Variants in ARHGEF4 observed in about 807,000 individuals in gnomAD.
ARHGEF4 encodes APC-stimulated guanine nucleotide exchange factor 1.
Under a neutral mutation model 162.0 loss-of-function variants are expected in ARHGEF4, and 119 were observed. That is an observed-to-expected ratio of 0.73 (90% CI 0.63 to 0.86). The LOEUF is 0.86. ARHGEF4 is among the 40% of genes least tolerant of loss of function. ARHGEF4 has a pLI of 0.00. For synonymous variants in ARHGEF4, 1,014 were observed against 979.9 expected (o/e 1.03, Z -0.65); for missense variants, 2,488 against 2,456.0 (o/e 1.01, Z -0.28).
intron 5 of ARHGEF4, among the ~76,000 whole-genome samples, chr2:131,033,470 C>T (rs746991769): frequency 1.3e-5 from 2 of 152,184 alleles, no homozygotes; most frequent in Non-Finnish European, 2.9e-5. Context: ...GTGCCTTTGC[C>T]GGCCATCCAG....
At chr2:130,987,376 G>A (rs983365737) in intron 4 of ARHGEF4, among the ~76,000 whole-genome samples, 9 of 152,176 alleles carry the variant, frequency 5.9e-5, no homozygotes, top group East Asian at 5.8e-4. Flanking sequence ...AGACTTTTGC[G>A]GTGAGTGTTA....
chr2:131,009,519 T>G (rs1368419832), intron 4 of ARHGEF4, among the ~76,000 whole-genome samples: 1 of 152,212 alleles, frequency 6.6e-6, no homozygotes. Flanking sequence ...CCCAAGTCAC[T>G]AAGTTGCTGT....
chr2:130,967,842 G>A (rs1005581609), intron 4 of ARHGEF4, among the ~76,000 whole-genome samples: 1 of 152,218 alleles, frequency 6.6e-6, no homozygotes. Context: ...AAGGCAAAGA[G>A]CACTTAGAGC....
chr2:130,952,461 G>T (rs915609335), intron 4 of ARHGEF4, among the ~76,000 whole-genome samples: 10 of 152,040 alleles, frequency 6.6e-5, no homozygotes, highest in African/African-American at 2.4e-4. Context: ...ATATCATACT[G>T]AATGGGCAAA....
intron 1 of ARHGEF4, among the ~76,000 whole-genome samples, chr2:130,898,576 G>T (rs1680301255): frequency 6.6e-6 from 1 of 152,266 alleles, no homozygotes; most frequent in South Asian, 2.1e-4. Flanking sequence ...AGCACTGCTA[G>T]GTTGCCCAGA....
Position 131,019,835 on chromosome 2 carries a change from T to C in ARHGEF4, c.3986-8110T>C, listed in dbSNP as rs572851309. Among the ~76,000 whole-genome samples the C allele has an allele frequency of 5.9e-3, 903 of 152,178 alleles. 6 individuals are homozygous for C. The highest frequency in any genetic ancestry group is 0.019 in the African/African-American group (788 of 41,518). ...ATTTTTAGTAAAGACGGGGTTTCAC[T>C]GTGTTAGCCAGGATGGTCTCGATTT... is the stretch of plus-strand genomic sequence containing the variant. On this transcript the variant is annotated intron_variant, in intron 4 of 13. Coordinates refer to ENST00000409359, the MANE Select transcript of ARHGEF4 (RefSeq NM_001367493.1).
intron 4 of ARHGEF4, among the ~76,000 whole-genome samples, chr2:130,999,584 C>T (rs922750833): frequency 1.9e-4 from 29 of 152,202 alleles, no homozygotes; most frequent in African/African-American, 6.5e-4. Context: ...GAATAAACTC[C>T]TATCTTTTTG....
intron 4 of ARHGEF4, chr2:131,011,800 C>G (rs145337254): frequency 8.7e-6 from 7 of 800,072 alleles, no homozygotes; most frequent in African/African-American, 1.7e-5. Flanking sequence ...TTGTAGTTTA[C>G]CAAGGACCGC....
At chr2:130,852,744 G>C (rs776110530) in intron 1 of ARHGEF4, among the ~76,000 whole-genome samples, 1 of 152,210 alleles carries the variant, frequency 6.6e-6, no homozygotes, top group Non-Finnish European at 1.5e-5. Flanking sequence ...CGCCTCCTGC[G>C]GGCGGTGGAG....
intron 4 of ARHGEF4, among the ~76,000 whole-genome samples, chr2:130,980,148 G>A (rs563239097): frequency 6.6e-6 from 1 of 152,174 alleles, no homozygotes; most frequent in African/African-American, 2.4e-5. Context: ...TGTATCCCCA[G>A]CAATTTGGGA....
chr2:131,043,969 G>A (rs1487112028), intron 11 of ARHGEF4, among the ~76,000 whole-genome samples: 1 of 152,124 alleles, frequency 6.6e-6, no homozygotes, highest in Non-Finnish European at 1.5e-5. Flanking sequence ...ACATGGCCCA[G>A]TGGCCTCATG....
In ARHGEF4 at chr2:130,915,033, G is replaced by A; in HGVS notation, c.1087G>A (p.Val363Met). 1.3e-6 allele frequency: 2 copies of A among 1,550,718 alleles called. No homozygotes were observed. Among genetic ancestry groups the A allele is most frequent in the Non-Finnish European group, 1.7e-6 (2 of 1,147,024 alleles). The change falls in exon 2 of 14, where the codon GTG becomes ATG. Residue 363 changes from valine (V) to methionine (M), a missense_variant. This residue lies in a region of ARHGEF4 where 1,642 missense variants were observed against 1,481.5 expected (regional missense o/e 1.11). Coordinates refer to ENST00000409359, the MANE Select transcript of ARHGEF4 (RefSeq NM_001367493.1). ...GAATGTTGTGAAGTCTGGGACCCAT[G>A]TGAAGGAAGGGGCCAAAAATGAACG... ...GQNVVKSGTHVKEGAKNERDP... is the reference protein window; with the variant it reads ...GQNVVKSGTHMKEGAKNERDP...
At chr2:130,901,896 A>G (rs1397799720) in intron 1 of ARHGEF4, among the ~76,000 whole-genome samples, 4 of 152,202 alleles carry the variant, frequency 2.6e-5, no homozygotes, top group African/African-American at 9.7e-5. Context: ...AAATCAGCCC[A>G]GGGCCAGATA....
chr2:130,867,484 C>T (rs887391793), intron 1 of ARHGEF4, among the ~76,000 whole-genome samples: 3 of 152,074 alleles, frequency 2.0e-5, no homozygotes, highest in Admixed American at 6.6e-5. Flanking sequence ...GATCTGCCCG[C>T]CTTAGCCTCC....
At chr2:131,037,922 C>T (rs1244880429) in intron 5 of ARHGEF4, among the ~76,000 whole-genome samples, 1 of 152,202 alleles carries the variant, frequency 6.6e-6, no homozygotes, top group African/African-American at 2.4e-5. Context: ...TTCTGCTTCT[C>T]CTAGAACTTG....
chr2:131,037,860 G>C (rs186800693), intron 5 of ARHGEF4, among the ~76,000 whole-genome samples: 1 of 152,252 alleles, frequency 6.6e-6, no homozygotes, highest in East Asian at 1.9e-4. Context: ...GGGTAACACT[G>C]CATAAGAGCA....
At chr2:130,966,961 G>T (rs1281934665) in intron 4 of ARHGEF4, among the ~76,000 whole-genome samples, 1 of 152,180 alleles carries the variant, frequency 6.6e-6, no homozygotes, top group African/African-American at 2.4e-5. Flanking sequence ...TAACTGAACT[G>T]CATTTCTCTC....
chr2:130,850,527 C>T (rs559780354), intron 1 of ARHGEF4, among the ~76,000 whole-genome samples: 6 of 152,356 alleles, frequency 3.9e-5, no homozygotes, highest in Non-Finnish European at 7.3e-5. Context: ...CTTCCAATTC[C>T]GAATTGCCCA....
chr2:130,914,280 G>A lies in ARHGEF4; in HGVS notation c.334G>A (p.Gly112Arg). 6 of 1,525,912 alleles carry A rather than the reference G, an allele frequency of 3.9e-6. No homozygotes were observed. In the Admixed American group the frequency reaches 7.9e-5, roughly 20 times the overall value. The allele number at this position is 1,525,912 out of a possible 1,614,324, so 94.5% of individuals were successfully genotyped here. ...GGAATACCCTGATGTCTCAGCAACT[G>A]GACCCCCTCAGGAGCAGCATTTGAC... ...PWEYPDVSAT[G>R]PPQEQHLTSV... Residue 112 changes from glycine (G) to arginine (R), a missense_variant, in exon 2 of 14, where the codon GGA (glycine) becomes AGA (arginine). This residue lies in a region of ARHGEF4 where 171 missense variants were observed against 169.4 expected (regional missense o/e 1.01). Transcript: ENST00000409359.
Sources: allele counts gnomAD v4.1 joint callset (sites outside exome capture counted in the v4.1 genomes callset), GRCh38; gene constraint gnomAD v4.1.1; regional missense constraint gnomAD v4.1.1; transcripts MANE v1.5; gene names NCBI Gene and HGNC (gene_info 2026-07-23, HGNC 2026-07-21).